ITPR2: variants seen among roughly 807,000 people sequenced by gnomAD.
ITPR2 encodes the protein inositol 1,4,5-trisphosphate-gated calcium channel ITPR2.
Under a neutral mutation model 317.1 loss-of-function variants are expected in ITPR2, and 207 were observed. The ratio of observed to expected loss-of-function variants is 0.65; its 90% CI spans 0.58 to 0.73. The LOEUF (loss-of-function observed/expected upper bound fraction) is 0.73, where lower values mean the gene tolerates loss of function less well. Among genes scored for constraint, ITPR2 ranks in the 30% least tolerant of loss-of-function variants. The pLI, the probability that ITPR2 is intolerant of heterozygous loss-of-function variation, is 0.00. For synonymous variants in ITPR2, 1,156 were observed against 1,149.1 expected, an observed-to-expected ratio of 1.01 and a Z score of -0.12; for missense variants, 2,613 against 3,284.0, an observed-to-expected ratio of 0.80 and a Z score of 4.99.
rs533483551 is a variant in ITPR2, at chr12:26,621,119, G to A, written c.3462+4C>T. The A allele has an allele frequency of 6.8e-6, 11 of 1,610,056 alleles. No individual in the cohort carries two copies. In the East Asian group the frequency reaches 1.6e-4, roughly 23 times the overall value. ...AGTATTTCGAAATAGATCTTGAAAC[G>A]AACCTCAATTGGCTCTTCACCACCT... is the stretch of plus-strand genomic sequence containing the variant. On this transcript the variant is annotated splice_donor_region_variant and intron_variant, in intron 26 of 56. Transcript: ENST00000381340.
At chr12:26,476,788 A>T in intron 44 of ITPR2, 124 bp downstream of exon 44, 1 of 639,132 alleles carries the variant, frequency 1.6e-6, no homozygotes, top group South Asian at 2.0e-5. Flanking sequence ...ATGGTAGGTC[A>T]TGATGTTCCA....
intron 45 of ITPR2, among the ~76,000 whole-genome samples, chr12:26,465,288 G>A (rs530100199): frequency 8.5e-5 from 13 of 152,228 alleles, no homozygotes; most frequent in Middle Eastern, 6.8e-3. Flanking sequence ...GTTAGTGACA[G>A]GACAAAAGAT....
rs746131093 is a variant in ITPR2 at position 26,596,934 on chromosome 12, G to A, written c.4203C>T (p.Leu1401=). 22 of 1,598,832 alleles carry A rather than the reference G, an allele frequency of 1.4e-5. No homozygotes were observed. In the South Asian group the frequency reaches 2.4e-4, roughly 17 times the overall value. The part of the protein sequence containing the change: ...VYTEIKCNSL[L]PLDDIVRVVT... ...CCACCCTCACTATGTCGTCCAGCGG[G>A]AGAAGGGAATTACACTTGATTTCAG... Residue 1401 remains leucine (L), a synonymous_variant, in exon 31 of 57, where the codon CTC becomes CTT. Transcript: ENST00000381340.
At chr12:26,425,785 A>G (rs1941042245) in intron 49 of ITPR2, among the ~76,000 whole-genome samples, 1 of 152,204 alleles carries the variant, frequency 6.6e-6, no homozygotes, top group Non-Finnish European at 1.5e-5. Flanking sequence ...TACAGTTAAT[A>G]AAGGAGAGAT....
chr12:26,636,115 C>T (rs1328810486), intron 21 of ITPR2, among the ~76,000 whole-genome samples: 1 of 152,182 alleles, frequency 6.6e-6, no homozygotes, highest in Non-Finnish European at 1.5e-5. Context: ...ATGTGCCGAA[C>T]CTACAGGGAA....
chr12:26,492,677 G>A (rs939388372), intron 39 of ITPR2, among the ~76,000 whole-genome samples: 1 of 152,154 alleles, frequency 6.6e-6, no homozygotes, highest in Non-Finnish European at 1.5e-5. Context: ...AGTCATAGAC[G>A]TAGACAGTGG....
intron 1 of ITPR2, among the ~76,000 whole-genome samples, chr12:26,825,069 T>G (rs923875195): frequency 5.9e-5 from 9 of 152,012 alleles, no homozygotes; most frequent in Non-Finnish European, 1.2e-4. Context: ...CTATCTCTAC[T>G]AAAAATACAA....
At chr12:26,812,296 G>A (rs989671068) in intron 1 of ITPR2, among the ~76,000 whole-genome samples, 1 of 151,864 alleles carries the variant, frequency 6.6e-6, no homozygotes, top group South Asian at 2.1e-4. Flanking sequence ...AACCTAATAC[G>A]GCCGGATGCG....
intron 52 of ITPR2, among the ~76,000 whole-genome samples, chr12:26,408,684 A>AGT (rs1367596680): frequency 2.0e-5 from 3 of 152,180 alleles, no homozygotes; most frequent in Non-Finnish European, 4.4e-5. Flanking sequence ...ACTCTGGAAC[A>AGT]ACAAGTACTA....
At chr12:26,684,612 T>C (rs754811124) in intron 11 of ITPR2, among the ~76,000 whole-genome samples, 9 of 152,238 alleles carry the variant, frequency 5.9e-5, no homozygotes, top group Non-Finnish European at 8.8e-5. Context: ...TAATGACAGA[T>C]GAATCGATGT....
intron 45 of ITPR2, among the ~76,000 whole-genome samples, chr12:26,458,371 G>C (rs1941938760): frequency 6.6e-6 from 1 of 152,132 alleles, no homozygotes; most frequent in Non-Finnish European, 1.5e-5. Flanking sequence ...AGAGGCTGCT[G>C]ACGACATCAA....
chr12:26,557,430 C>T (rs183892507), intron 35 of ITPR2, among the ~76,000 whole-genome samples: 10 of 152,142 alleles, frequency 6.6e-5, no homozygotes, highest in African/African-American at 1.9e-4. Context: ...TATGATTATG[C>T]GACACAGTCC....
chr12:26,701,351 A>C (rs1320247221), intron 9 of ITPR2, among the ~76,000 whole-genome samples: 1 of 152,230 alleles, frequency 6.6e-6, no homozygotes, highest in Non-Finnish European at 1.5e-5. Flanking sequence ...TTTTTATTAT[A>C]TATAACACTG....
At chr12:26,496,255 G>A (rs1454625786) in intron 37 of ITPR2, among the ~76,000 whole-genome samples, 2 of 152,156 alleles carry the variant, frequency 1.3e-5, no homozygotes, top group African/African-American at 2.4e-5. Flanking sequence ...CAGTTAACAG[G>A]TGATTGAGCA....
chr12:26,394,740 C>T (rs549152418), intron 54 of ITPR2, among the ~76,000 whole-genome samples: 2 of 152,026 alleles, frequency 1.3e-5, no homozygotes, highest in Non-Finnish European at 2.9e-5. Flanking sequence ...CTGGCAACAC[C>T]GAGCAGACCA....
In ITPR2 at chr12:26,600,007, T is replaced by C. The variant is rs1233129588; in HGVS notation, c.3781A>G (p.Asn1261Asp). Residue 1261 changes from asparagine (N) to aspartate (D), a missense_variant, in exon 29 of 57, where the codon AAT becomes GAT. Asn to Asp is a conservative substitution (Grantham distance 23, BLOSUM62 1). Around this residue, in one of 9 missense-constraint regions of ITPR2, gnomAD observed 817 missense variants for 897.6 expected, o/e 0.91. Transcript: ENST00000381340. ...CTTACACCTGGAGTTAAAAACAAAT[T>C]CAGATGTTTATGAAGAAGAACTTGA... ...QNQVLLHKHLNLFLTPGLLEA... is the reference protein window; with the variant it reads ...QNQVLLHKHLDLFLTPGLLEA... The C allele has an allele frequency of 1.9e-6, 3 of 1,605,680 alleles. No homozygotes were observed. Among genetic ancestry groups the C allele is most frequent in the Non-Finnish European group, 2.6e-6 (3 of 1,172,864 alleles).
At chr12:26,523,452 A>G (rs1427320781) in intron 37 of ITPR2, among the ~76,000 whole-genome samples, 1 of 152,136 alleles carries the variant, frequency 6.6e-6, no homozygotes, top group East Asian at 1.9e-4. Context: ...ATTCTCACTC[A>G]TAGATAATTG....
At chr12:26,711,362 C>T in intron 8 of ITPR2, 94 bp from the exon 9 acceptor site, 1 of 835,474 alleles carries the variant, frequency 1.2e-6, no homozygotes, top group Non-Finnish European at 2.1e-6. Context: ...CCTGTTAATA[C>T]TGATCTGTCA....
intron 37 of ITPR2, among the ~76,000 whole-genome samples, chr12:26,530,225 A>G (rs903604531): frequency 9.2e-5 from 14 of 152,180 alleles, no homozygotes; most frequent in African/African-American, 3.1e-4. Flanking sequence ...AAGGGCCCCA[A>G]TGTCCCAGAC....
Sources: allele counts gnomAD v4.1 joint callset (sites outside exome capture counted in the v4.1 genomes callset), GRCh38; gene constraint gnomAD v4.1.1; regional missense constraint gnomAD v4.1.1; transcripts MANE v1.5; gene names NCBI Gene and HGNC (gene_info 2026-07-23, HGNC 2026-07-21).